The following PTPN21 variants were observed in gnomAD, a reference collection of about 807,000 sequenced individuals.
PTPN21 encodes the protein protein tyrosine phosphatase non-receptor type 21.
A neutral mutation model predicts 131.8 loss-of-function variants in PTPN21; 77 were observed. The observed-to-expected ratio is 0.58, with a 90% CI of 0.49 to 0.71. The LOEUF (loss-of-function observed/expected upper bound fraction) is 0.71. Among genes scored for constraint, PTPN21 ranks in the 30% least tolerant of loss-of-function variants. The pLI, the probability that PTPN21 is intolerant of heterozygous loss-of-function variation, is 0.00. For synonymous variants in PTPN21, 715 were observed against 621.3 expected (o/e 1.15, Z -2.24); for missense variants, 1,552 against 1,527.1 (o/e 1.02, Z -0.27).
At chr14:88,496,130 T>C (rs1264042019) in intron 10 of PTPN21, among the ~76,000 whole-genome samples, 1 of 152,202 alleles carries the variant, frequency 6.6e-6, no homozygotes, top group Non-Finnish European at 1.5e-5. Flanking sequence ...TAATCTTTAA[T>C]GACTCAAAAT....
At chr14:88,522,181 CT>C (rs1456538582) in intron 2 of PTPN21, among the ~76,000 whole-genome samples, 1 of 151,626 alleles carries the variant, frequency 6.6e-6, no homozygotes, top group African/African-American at 2.4e-5. Flanking sequence ...AATCCCAGCA[CT>C]TTGGGAGGCT....
chr14:88,485,268 A>G, intron 11 of PTPN21, 108 bp from the exon 12 acceptor site: 2 of 587,022 alleles, frequency 3.4e-6, no homozygotes. Flanking sequence ...TAAAGGAATT[A>G]AATATATTAT....
At chr14:88,518,382 G>GTATA (rs1566839863) in intron 2 of PTPN21, among the ~76,000 whole-genome samples, 13 of 12,270 alleles carry the variant, frequency 1.1e-3, no homozygotes, top group African/African-American at 3.4e-3. Context: ...GTATGTGTGT[G>GTATA]TGTGTATATA....
At chr14:88,497,555 G>T (rs2077939994) in intron 8 of PTPN21, among the ~76,000 whole-genome samples, 1 of 151,022 alleles carries the variant, frequency 6.6e-6, no homozygotes, top group Non-Finnish European at 1.5e-5. Flanking sequence ...GGATCACGAG[G>T]TCAGGAGATG....
chr14:88,538,185 T>C (rs1454962363), intron 2 of PTPN21, among the ~76,000 whole-genome samples: 2 of 152,208 alleles, frequency 1.3e-5, no homozygotes, highest in Non-Finnish European at 2.9e-5. Flanking sequence ...AAAGATAAAC[T>C]AGAACTTCTT....
At chr14:88,512,960 C>A (rs1323939049) in intron 3 of PTPN21, among the ~76,000 whole-genome samples, 1 of 152,094 alleles carries the variant, frequency 6.6e-6, no homozygotes. Context: ...GTTCCCTTTA[C>A]CCAAAGGTTT....
chr14:88,487,703 T>G (rs1220498172), intron 10 of PTPN21, among the ~76,000 whole-genome samples: 1 of 152,136 alleles, frequency 6.6e-6, no homozygotes, highest in African/African-American at 2.4e-5. Flanking sequence ...CCAGTATTTA[T>G]TTTGGTGACA....
chr14:88,534,302 G>T (rs1407611506), intron 2 of PTPN21, among the ~76,000 whole-genome samples: 1 of 151,416 alleles, frequency 6.6e-6, no homozygotes, highest in Non-Finnish European at 1.5e-5. Context: ...AAAATGGCTT[G>T]AACCCAGGAC....
chr14:88,521,551 C>T (rs1390415034), intron 2 of PTPN21, among the ~76,000 whole-genome samples: 2 of 148,008 alleles, frequency 1.4e-5, no homozygotes, highest in East Asian at 2.0e-4. Context: ...TACAGGCACC[C>T]GCCACCACGC....
At chr14:88,498,692 G>A (rs997252408) in intron 8 of PTPN21, among the ~76,000 whole-genome samples, 1 of 152,094 alleles carries the variant, frequency 6.6e-6, no homozygotes, top group African/African-American at 2.4e-5. Context: ...AAGTGGGGGA[G>A]GTGTGCTCTG....
intron 2 of PTPN21, among the ~76,000 whole-genome samples, chr14:88,532,319 T>A (rs894036394): frequency 6.6e-6 from 1 of 152,150 alleles, no homozygotes; most frequent in Non-Finnish European, 1.5e-5. Flanking sequence ...TACAGATATT[T>A]TCAGCTCTAT....
At chr14:88,475,229 G>T (rs1001834698) in intron 13 of PTPN21, among the ~76,000 whole-genome samples, 1 of 152,206 alleles carries the variant, frequency 6.6e-6, no homozygotes, top group Non-Finnish European at 1.5e-5. Flanking sequence ...CTCTCAGCCT[G>T]TAACAGGCCA....
chr14:88,530,077 T>G (rs556079191), intron 2 of PTPN21, among the ~76,000 whole-genome samples: 10 of 152,112 alleles, frequency 6.6e-5, no homozygotes, highest in African/African-American at 2.4e-4. Flanking sequence ...AACAGCAGAT[T>G]TCTCAGCAGA....
intron 10 of PTPN21, among the ~76,000 whole-genome samples, chr14:88,486,241 T>C (rs1161742209): frequency 1.3e-5 from 2 of 152,224 alleles, no homozygotes; most frequent in Admixed American, 1.3e-4. Context: ...GTTTCTCCTA[T>C]GCGCTGGGGG....
intron 2 of PTPN21, among the ~76,000 whole-genome samples, chr14:88,542,545 T>C (rs993007760): frequency 1.3e-5 from 2 of 152,232 alleles, no homozygotes; most frequent in Admixed American, 1.3e-4. Context: ...GTTATTAGCC[T>C]TTAAGTTTAT....
intron 4 of PTPN21, among the ~76,000 whole-genome samples, chr14:88,506,358 C>G (rs923609622): frequency 6.6e-6 from 1 of 151,936 alleles, no homozygotes; most frequent in Non-Finnish European, 1.5e-5. Context: ...AAAATACACA[C>G]ATACATGTAA....
intron 10 of PTPN21, among the ~76,000 whole-genome samples, chr14:88,494,585 C>T (rs2077876138): frequency 6.6e-6 from 1 of 151,882 alleles, no homozygotes; most frequent in Non-Finnish European, 1.5e-5. Flanking sequence ...TCACCTGAGC[C>T]CAGGGAGGTT....
chr14:88,468,366 G>C, intron 18 of PTPN21, 101 bp from the exon 19 acceptor site: 1 of 1,169,964 alleles, frequency 8.5e-7, no homozygotes, highest in Non-Finnish European at 1.2e-6. Flanking sequence ...TTGGGAGATG[G>C]ACAGTCTCTT....
chr14:88,479,488 T>C lies in PTPN21; in HGVS notation c.1943A>G (p.Glu648Gly), dbSNP rs778232935. 6 of 1,601,402 alleles carry C rather than the reference T, an allele frequency of 3.7e-6. No homozygotes were observed. In the South Asian group the frequency reaches 6.6e-5, roughly 18 times the overall value. ...IEVAGLSHGL[E>G]GLRLKERTLS... ...GGTGCGCTCCTTGAGCCGCAGGCCCTCCAGGCCGTGGCTGAGCCCGGCCAC... is the reference window on the plus strand; with the variant it reads ...GGTGCGCTCCTTGAGCCGCAGGCCCCCCAGGCCGTGGCTGAGCCCGGCCAC... The change falls in exon 13 of 19, where the codon GAG (glutamate) becomes GGG (glycine). Residue 648 changes from glutamate to glycine, a missense_variant. By Grantham distance (98) the Glu-to-Gly change is moderately conservative. Coordinates refer to ENST00000556564, the MANE Select transcript of PTPN21 (RefSeq NM_007039.4).
Sources: gnomAD v4.1 joint callset for allele counts (sites outside exome capture counted in the v4.1 genomes callset) on GRCh38, gnomAD v4.1.1 for gene constraint, MANE v1.5 for transcripts, NCBI Gene and HGNC (gene_info 2026-07-23, HGNC 2026-07-21) for gene names.